The following FAM222B variants were observed in gnomAD, a reference collection of about 807,000 sequenced individuals.
The protein encoded by FAM222B is family with sequence similarity 222 member B.
A neutral mutation model predicts 38.0 loss-of-function variants in FAM222B; 12 were observed. That is an observed-to-expected ratio of 0.32 (90% CI 0.20 to 0.51). The LOEUF (loss-of-function observed/expected upper bound fraction) is 0.51, where lower values mean the gene tolerates loss of function less well. Among genes scored for constraint, FAM222B ranks in the 20% least tolerant of loss-of-function variants. The probability of loss-of-function intolerance (pLI) is 0.97; values close to 1 mark genes in which losing one functional copy is unlikely to be tolerated. For synonymous variants in FAM222B, 329 were observed against 317.2 expected (o/e 1.04, Z -0.40); for missense variants, 716 against 754.2 (o/e 0.95, Z 0.59).
Position 28,759,715 on chromosome 17 carries a change from C to T in FAM222B, c.244G>A (p.Asp82Asn), listed in dbSNP as rs1241486054. 6.2e-7 allele frequency: 1 copy of T among 1,613,708 alleles called. No individual in the cohort carries two copies. Among genetic ancestry groups the T allele is most frequent in the South Asian group, 1.1e-5 (1 of 91,016 alleles). The change falls in exon 3 of 3, where the codon GAC (aspartate) becomes AAC (asparagine). Residue 82 changes from aspartate to asparagine, a missense_variant. By Grantham distance (23) the Asp-to-Asn change is conservative. Coordinates refer to ENST00000581407, the MANE Select transcript of FAM222B (RefSeq NM_001077498.3). The surrounding 1 kb of genome is among the most constrained non-coding windows in gnomAD (Gnocchi z 4.8). ...KHVRRTVNGLDTSAQRYSPYP... is the reference protein window; with the variant it reads ...KHVRRTVNGLNTSAQRYSPYP... ...GGGCTGTAGCGCTGGGCTGATGTGT[C>T]GAGGCCGTTCACAGTACGACGAACG...
Position 28,820,765 on chromosome 17 carries a change from C to T in FAM222B, c.-41+21917G>A, listed in dbSNP as rs1282936832. Among the ~76,000 whole-genome samples, 5 of 151,804 alleles carry T rather than the reference C, an allele frequency of 3.3e-5. No homozygotes were observed. In the East Asian group the frequency reaches 5.8e-4, roughly 18 times the overall value. ...TCTCGTGCCTTGGCCTCCCGAGTAG[C>T]GGGAATTACAGGCGCCTGCCACCAC... On this transcript the variant is annotated intron_variant, in intron 1 of 2. Transcript: ENST00000581407.
Position 28,759,806 on chromosome 17 carries a change from C to A in FAM222B, c.153G>T (p.Lys51Asn). Residue 51 changes from lysine to asparagine, a missense_variant, in exon 3 of 3, where the codon AAG becomes AAT. Lys to Asn is a moderately conservative substitution (Grantham distance 94). Coordinates refer to ENST00000581407, the MANE Select transcript of FAM222B (RefSeq NM_001077498.3). The surrounding 1 kb of genome is among the most constrained non-coding windows in gnomAD (Gnocchi z 4.8). ...TPAELDAYAK[K>N]VANNPLTIKI... ...TTATAGTCAGTGGGTTGTTTGCGAC[C>A]TTCTTAGCATACGCATCCAATTCGG... 1 of 1,605,482 alleles carries A rather than the reference C, an allele frequency of 6.2e-7. No homozygotes were observed. Among genetic ancestry groups the A allele is most frequent in the Non-Finnish European group, 8.5e-7 (1 of 1,175,944 alleles).
chr17:28,763,260 A>G (rs2035171479), intron 2 of FAM222B, among the ~76,000 whole-genome samples: 1 of 152,218 alleles, frequency 6.6e-6, no homozygotes, highest in African/African-American at 2.4e-5. Flanking sequence ...TCACAGAATT[A>G]CTAAGATCGA....
At chr17:28,784,445 C>T (rs2036301354) in intron 1 of FAM222B, among the ~76,000 whole-genome samples, 1 of 127,038 alleles carries the variant, frequency 7.9e-6, no homozygotes, top group Non-Finnish European at 1.6e-5. Context: ...CTGTGAATAT[C>T]CACTGTACTC....
intron 1 of FAM222B, among the ~76,000 whole-genome samples, chr17:28,790,019 A>C (rs1206111788): frequency 6.6e-6 from 1 of 152,204 alleles, no homozygotes; most frequent in Non-Finnish European, 1.5e-5. Context: ...TTTATCTGTC[A>C]ACCTATTGAA....
chr17:28,820,799 A>G (rs564188045), intron 1 of FAM222B, among the ~76,000 whole-genome samples: 1 of 152,006 alleles, frequency 6.6e-6, no homozygotes, highest in South Asian at 2.1e-4. Context: ...ACGCCCAGCT[A>G]ATTTTTTAAA....
At chr17:28,773,479 C>CAAAAA (rs66716142) in intron 1 of FAM222B, among the ~76,000 whole-genome samples, 7 of 60,748 alleles carry the variant, frequency 1.2e-4, no homozygotes, top group Non-Finnish European at 1.7e-4. Context: ...AACTCTGTCT[C>CAAAAA]AAAAAAAAAA....
At chr17:28,780,027 G>A (rs947985439) in intron 1 of FAM222B, among the ~76,000 whole-genome samples, 2 of 151,182 alleles carry the variant, frequency 1.3e-5, no homozygotes, top group Non-Finnish European at 2.9e-5. Context: ...CTGGAGTGCA[G>A]TGATGCAATC....
intron 1 of FAM222B, among the ~76,000 whole-genome samples, chr17:28,767,300 C>T (rs1179639053): frequency 6.6e-6 from 1 of 152,070 alleles, no homozygotes; most frequent in African/African-American, 2.4e-5. Flanking sequence ...GGATTAAAGG[C>T]ACCCGCCACC....
intron 1 of FAM222B, among the ~76,000 whole-genome samples, chr17:28,770,448 G>A (rs1445838937): frequency 6.6e-6 from 1 of 152,156 alleles, no homozygotes; most frequent in African/African-American, 2.4e-5. Flanking sequence ...TATCAGCCAG[G>A]CTGGAGTGCA....
chr17:28,813,211 T>C (rs2037882299), intron 1 of FAM222B, among the ~76,000 whole-genome samples: 1 of 150,560 alleles, frequency 6.6e-6, no homozygotes, highest in African/African-American at 2.4e-5. Flanking sequence ...ACATCCAATG[T>C]ATTTAGCTGG....
intron 1 of FAM222B, among the ~76,000 whole-genome samples, chr17:28,796,994 CTTTTTTTT>C (rs34242589): frequency 2.5e-5 from 2 of 81,604 alleles, no homozygotes; most frequent in African/African-American, 9.7e-5. Context: ...GTGGCTATTG[CTTTTTTTT>C]TTTTTTTTTT....
chr17:28,774,984 CA>C (rs1181404624), intron 1 of FAM222B, among the ~76,000 whole-genome samples: 1 of 138,630 alleles, frequency 7.2e-6, no homozygotes. Flanking sequence ...ATAAAACAAA[CA>C]AAAAAAATCT....
chr17:28,789,227 C>T (rs1487215073), intron 1 of FAM222B, among the ~76,000 whole-genome samples: 5 of 145,968 alleles, frequency 3.4e-5, no homozygotes, highest in Admixed American at 7.0e-5. Flanking sequence ...GATGGAGTCT[C>T]GCTCTGTTAC....
chr17:28,778,397 T>C (rs975368542), intron 1 of FAM222B, among the ~76,000 whole-genome samples: 1 of 151,958 alleles, frequency 6.6e-6, no homozygotes, highest in African/African-American at 2.4e-5. Context: ...GTTTCCTGCT[T>C]CGTTCATGTC....
intron 1 of FAM222B, among the ~76,000 whole-genome samples, chr17:28,789,172 C>T (rs2036555798): frequency 6.8e-6 from 1 of 148,046 alleles, no homozygotes; most frequent in South Asian, 2.1e-4. Context: ...TCTTCTATTA[C>T]TGGTACACAT....
chr17:28,824,623 C>A (rs2038373917), intron 1 of FAM222B, among the ~76,000 whole-genome samples: 1 of 152,142 alleles, frequency 6.6e-6, no homozygotes, highest in Admixed American at 6.6e-5. Flanking sequence ...GTGTAACAAT[C>A]CCAAAGCAAG....
At chr17:28,828,809 C>T (rs1185619439) in intron 1 of FAM222B, among the ~76,000 whole-genome samples, 1 of 152,088 alleles carries the variant, frequency 6.6e-6, no homozygotes, top group Admixed American at 6.6e-5. Context: ...CTCATAAATG[C>T]ATAGTTGTGT....
chr17:28,826,985 A>T (rs967225359), intron 1 of FAM222B, among the ~76,000 whole-genome samples: 46 of 150,518 alleles, frequency 3.1e-4, no homozygotes, highest in South Asian at 6.3e-4. Context: ...TGCCAAAAAA[A>T]TTTTTTTTTT....
Sources: gnomAD v4.1 joint callset for allele counts (sites outside exome capture counted in the v4.1 genomes callset) on GRCh38, gnomAD v4.1.1 for gene constraint, Gnocchi (gnomAD v3.1) non-coding constraint, MANE v1.5 for transcripts, NCBI Gene and HGNC (gene_info 2026-07-23, HGNC 2026-07-21) for gene names.